The following TNRC6C variants were observed in gnomAD, a reference collection of about 807,000 sequenced individuals.
TNRC6C encodes the protein trinucleotide repeat containing adaptor 6C, also known as trinucleotide repeat-containing gene 6C protein.
In TNRC6C, 20 loss-of-function variants were observed where a neutral mutation model predicts 153.7. The observed-to-expected ratio is 0.13, with a 90% confidence interval of 0.09 to 0.19. The LOEUF is 0.19. Ranked by LOEUF, TNRC6C falls within the 10% of genes least tolerant of loss-of-function variation. TNRC6C has a pLI of 1.00. For missense variants in TNRC6C, 1,987 were observed against 2,172.0 expected (o/e 0.91, Z 1.69); for synonymous variants, 811 against 841.4 (o/e 0.96, Z 0.63).
chr17:78,100,937 A>G (rs927314651), intron 17 of TNRC6C, among the ~76,000 whole-genome samples: 8 of 151,646 alleles, frequency 5.3e-5, no homozygotes, highest in Non-Finnish European at 7.4e-5. Context: ...CACCATGCCC[A>G]GCTAATTTTT....
chr17:78,035,604 A>T (rs548529763), intron 2 of TNRC6C, among the ~76,000 whole-genome samples: 51 of 152,346 alleles, frequency 3.3e-4, no homozygotes, highest in Admixed American at 2.9e-3. Context: ...CAGGAATTCA[A>T]GACCAGCATG....
At chr17:78,031,474 C>A in intron 1 of TNRC6C, 42 bp from the exon 4 acceptor site, 1 of 1,225,792 alleles carries the variant, frequency 8.2e-7, no homozygotes, top group South Asian at 4.2e-5. Context: ...TTAAAGGGGT[C>A]TAGCTAAAGT....
chr17:78,090,116 G>C (rs1274958573), intron 13 of TNRC6C, among the ~76,000 whole-genome samples: 1 of 152,224 alleles, frequency 6.6e-6, no homozygotes, highest in Non-Finnish European at 1.5e-5. Flanking sequence ...AAGGCGTTTT[G>C]TTAGGTCTGC....
At chr17:78,090,389 G>GT (rs1333640776) in intron 13 of TNRC6C, among the ~76,000 whole-genome samples, 1 of 152,208 alleles carries the variant, frequency 6.6e-6, no homozygotes, top group Non-Finnish European at 1.5e-5. Context: ...TGAAATAAAG[G>GT]TAAGAACCAG....
At chr17:78,051,354 C>A in exon 3 of TNRC6C, 1 of 1,551,498 alleles carries the variant, frequency 6.4e-7, no homozygotes, top group Non-Finnish European at 8.7e-7. Flanking sequence ...CCACCACCAC[C>A]ACCACTACCA....
At chr17:77,979,046 A>AC (rs2071038622) in intron 1 of TNRC6C, among the ~76,000 whole-genome samples, 1 of 152,190 alleles carries the variant, frequency 6.6e-6, no homozygotes, top group African/African-American at 2.4e-5. Context: ...CGATAAGGTT[A>AC]CCCACAGGAG....
chr17:78,032,831 C>G (rs2072102425), intron 2 of TNRC6C, among the ~76,000 whole-genome samples: 1 of 152,156 alleles, frequency 6.6e-6, no homozygotes, highest in African/African-American at 2.4e-5. Context: ...ATAGTCAGAA[C>G]TAATATTTTT....
chr17:78,030,860 A>T (rs1598710970), intron 1 of TNRC6C, among the ~76,000 whole-genome samples: 1 of 152,112 alleles, frequency 6.6e-6, no homozygotes, highest in Non-Finnish European at 1.5e-5. Flanking sequence ...GCACTTTAGG[A>T]GGCTGAGGCG....
intron 1 of TNRC6C, among the ~76,000 whole-genome samples, chr17:77,977,126 A>G (rs1052640129): frequency 6.6e-6 from 1 of 152,014 alleles, no homozygotes; most frequent in Non-Finnish European, 1.5e-5. Flanking sequence ...TGATTACTAT[A>G]TATACGTTTT....
chr17:77,958,393 G>C (rs984652425), upstream of TNRC6C, among the ~76,000 whole-genome samples: 1 of 151,948 alleles, frequency 6.6e-6, no homozygotes. Context: ...CGCGCGTCCC[G>C]GCCACTCGGA....
At chr17:78,011,817 G>A (rs2071637100) in intron 1 of TNRC6C, among the ~76,000 whole-genome samples, 1 of 152,174 alleles carries the variant, frequency 6.6e-6, no homozygotes, top group Non-Finnish European at 1.5e-5. Flanking sequence ...CCAATGTGTG[G>A]TATGGTCATC....
At chr17:78,074,018 T>C (rs528541346) in intron 7 of TNRC6C, among the ~76,000 whole-genome samples, 3 of 152,332 alleles carry the variant, frequency 2.0e-5, no homozygotes, top group Non-Finnish European at 2.9e-5. Context: ...TACCATATCA[T>C]TGATTCATGA....
At chr17:78,086,425 C>T in intron 11 of TNRC6C, 78 bp from the exon 14 acceptor site, 1 of 1,107,894 alleles carries the variant, frequency 9.0e-7, no homozygotes, top group East Asian at 4.2e-5. Flanking sequence ...TATTTTTTAA[C>T]TAATGTCAGA....
At chr17:78,087,235 C>T in intron 13 of TNRC6C, 142 bp downstream of exon 15, 1 of 1,415,766 alleles carries the variant, frequency 7.1e-7, no homozygotes, top group Non-Finnish European at 9.3e-7. Context: ...CAGCCCCAGA[C>T]AAAATCGGAG....
In TNRC6C at chr17:77,966,430, C is replaced by A. The variant is rs147905753; in HGVS notation, c.-38+7162C>A. On this transcript the variant is annotated intron_variant, in intron 1 of 22. Transcript: ENST00000636222. ...GTAGGGTCAAACTGAAAAGCTGTTA[C>A]AAAGAATCAGCAGGATAAAATAATA... Among the ~76,000 whole-genome samples the A allele has an allele frequency of 1.5e-3, 235 of 152,262 alleles. 1 individual carries two copies. Among genetic ancestry groups the A allele is most frequent in the African/African-American group, 5.2e-3 (215 of 41,540 alleles).
Position 78,049,154 on chromosome 17 carries a change from C to G in TNRC6C, c.92C>G (p.Pro31Arg). The G allele has an allele frequency of 6.2e-7, 1 of 1,612,050 alleles. No homozygotes were observed. The highest frequency in any genetic ancestry group is 8.5e-7 in the Non-Finnish European group (1 of 1,178,950). Reference sequence around the variant, plus strand: ...ACCAATGGCGCACTCGTCCAAAGCCCTTCTAATCAGAGTGCCCTTGGAGCA... The same window carrying G: ...ACCAATGGCGCACTCGTCCAAAGCCGTTCTAATCAGAGTGCCCTTGGAGCA... Residue 31 changes from proline (P) to arginine (R), a missense_variant, in exon 3 of 20, where the codon CCT becomes CGT. Around this residue, in one of 4 missense-constraint regions of TNRC6C, gnomAD observed 1,052 missense variants for 1,017.0 expected, o/e 1.03. Coordinates refer to ENST00000301624, the Ensembl canonical transcript of TNRC6C. The surrounding 1 kb of genome is among the most constrained non-coding windows in gnomAD (Gnocchi z 4.1).
chr17:78,096,291 T>C (rs1422021460), intron 16 of TNRC6C, among the ~76,000 whole-genome samples: 1 of 152,016 alleles, frequency 6.6e-6, no homozygotes, highest in Non-Finnish European at 1.5e-5. Flanking sequence ...AAGGAGAGGA[T>C]TCAGAAACTG....
chr17:78,105,129 T>A (rs1406799341), exon 20 of TNRC6C: 14 of 328,512 alleles, frequency 4.3e-5, no homozygotes, highest in Middle Eastern at 7.7e-4. Context: ...TTTTTTTTTT[T>A]AAGTATAAAA....
rs2073067633 is a variant in TNRC6C at position 78,075,420 on chromosome 17, A to G, written c.3060+142A>G. 3.1e-6 allele frequency: 3 copies of G among 970,060 alleles called. No homozygotes were observed. The highest frequency in any genetic ancestry group is 4.5e-6 in the Non-Finnish European group (3 of 673,816). 60.1% of individuals were successfully genotyped at this position (970,060 alleles called of 1,614,324 possible). On this transcript the variant is annotated intron_variant, in intron 8 of 19. Coordinates refer to ENST00000301624, the Ensembl canonical transcript of TNRC6C. This position sits in a 1 kb window ranked among gnomAD's most constrained non-coding sequence, Gnocchi z 4.2. ...CTTTTATCCATTTTTTTCTAACATT[A>G]TGAACATTTAACTCAAAGAAGGGAA... is the stretch of plus-strand genomic sequence containing the variant.
Sources: allele counts gnomAD v4.1 joint callset (sites outside exome capture counted in the v4.1 genomes callset), GRCh38; gene constraint gnomAD v4.1.1; regional missense constraint gnomAD v4.1.1; non-coding constraint Gnocchi (gnomAD v3.1); transcripts MANE v1.5; gene names NCBI Gene and HGNC (gene_info 2026-07-23, HGNC 2026-07-21).